FOXP1: variants seen among roughly 807,000 people sequenced by gnomAD.
The protein encoded by FOXP1 is forkhead box P1, also known as forkhead box protein P1.
Under a neutral mutation model 98.2 loss-of-function variants are expected in FOXP1, and 15 were observed. The ratio of observed to expected loss-of-function variants is 0.15; its 90% CI spans 0.10 to 0.24. The LOEUF (loss-of-function observed/expected upper bound fraction) is 0.24, where lower values mean the gene tolerates loss of function less well. Ranked by LOEUF, FOXP1 falls within the 10% of genes least tolerant of loss-of-function variation. FOXP1 has a pLI of 1.00. For synonymous variants in FOXP1, 371 were observed against 314.5 expected (o/e 1.18, Z -1.90); for missense variants, 633 against 848.5 (o/e 0.75, Z 3.15).
At chr3:71,298,324 G>A (rs1322436261) in intron 5 of FOXP1, among the ~76,000 whole-genome samples, 1 of 152,044 alleles carries the variant, frequency 6.6e-6, no homozygotes, top group Admixed American at 6.6e-5. Context: ...AATTAGCTGG[G>A]TATGATGGCG....
chr3:71,371,603 C>T (rs1428486422), intron 3 of FOXP1, among the ~76,000 whole-genome samples: 3 of 152,142 alleles, frequency 2.0e-5, no homozygotes, highest in Non-Finnish European at 4.4e-5. Flanking sequence ...CTGGGCAACA[C>T]GGCAAGATTC....
At chr3:71,503,712 G>A (rs2041596264) in intron 2 of FOXP1, among the ~76,000 whole-genome samples, 1 of 152,124 alleles carries the variant, frequency 6.6e-6, no homozygotes, top group African/African-American at 2.4e-5. Context: ...CTGTAGGGAG[G>A]GGAGAATGGC....
rs973335743 is a variant in FOXP1 at position 70,976,659 on chromosome 3, G to A, written c.1530+282C>T. ...AATATGGCAACCTCCACTTCTGGGC[G>A]ACGGTGTTGTCTCCTTTTCTCTACA... On this transcript the variant is annotated intron_variant, in intron 17 of 20. Coordinates refer to ENST00000649528, the MANE Select transcript of FOXP1 (RefSeq NM_001349338.3). Among the ~76,000 whole-genome samples, 7 of 152,150 alleles carry A rather than the reference G, an allele frequency of 4.6e-5. 1 individual carries two copies. The highest frequency in any genetic ancestry group is 1.9e-4 in the East Asian group (1 of 5,188).
chr3:71,436,052 C>G (rs1274887342), intron 3 of FOXP1, among the ~76,000 whole-genome samples: 1 of 151,662 alleles, frequency 6.6e-6, no homozygotes, highest in African/African-American at 2.4e-5. Flanking sequence ...TATATTAATA[C>G]CCTGTTATGT....
At chr3:71,583,931 C>T (rs1162743568), upstream of FOXP1, 2 of 984,448 alleles carry the variant, frequency 2.0e-6, no homozygotes, top group African/African-American at 1.8e-5. Context: ...CTCCAGCGGC[C>T]CCCCGAGCGG....
rs184844630 is a variant in FOXP1 at position 71,417,525 on chromosome 3, C to T, written c.-167-58281G>A. Among the ~76,000 whole-genome samples the T allele has an allele frequency of 2.0e-5, 3 of 150,752 alleles. No individual in the cohort carries two copies. The East Asian group carries it at 5.9e-4, about 30-fold the overall frequency. On this transcript the variant is annotated intron_variant, in intron 3 of 20. Coordinates refer to ENST00000649528, the MANE Select transcript of FOXP1 (RefSeq NM_001349338.3). The stretch of plus-strand genomic sequence containing the variant: ...GACCATCCACACAAGATTTTAATAT[C>T]AGAACTTATCTTTCTAAAAACCACA...
chr3:71,454,299 G>A (rs968193873), intron 3 of FOXP1, among the ~76,000 whole-genome samples: 1 of 152,086 alleles, frequency 6.6e-6, no homozygotes, highest in African/African-American at 2.4e-5. Context: ...TAGAATCACT[G>A]TGCCTCCACA....
chr3:71,113,058 A>G (rs907865943), intron 6 of FOXP1, among the ~76,000 whole-genome samples: 1 of 152,156 alleles, frequency 6.6e-6, no homozygotes, highest in Admixed American at 6.5e-5. Flanking sequence ...TAGCGACTCA[A>G]GTTGAAAGTA....
At chr3:71,444,067 C>T (rs1359972670) in intron 3 of FOXP1, among the ~76,000 whole-genome samples, 1 of 152,160 alleles carries the variant, frequency 6.6e-6, no homozygotes, top group African/African-American at 2.4e-5. Context: ...ACTGACTTTG[C>T]CTCAAAGTGA....
Position 71,173,329 on chromosome 3 carries a change from T to G in FOXP1, c.180+24873A>C, listed in dbSNP as rs757836246. 3.8e-4 allele frequency among the ~76,000 whole-genome samples: 58 copies of G among 151,492 alleles called. 2 individuals are homozygous for G. Among genetic ancestry groups the G allele is most frequent in the Admixed American group, 6.6e-5 (1 of 15,168 alleles). On this transcript the variant is annotated intron_variant, in intron 6 of 20. Transcript: ENST00000649528. The stretch of plus-strand genomic sequence containing the variant: ...TCACTACCCAATCAGCCTGACTCTA[T>G]TCACAAAATTTCTAGAATGGGAACT...
intron 6 of FOXP1, among the ~76,000 whole-genome samples, chr3:71,119,786 T>C (rs1054905645): frequency 1.3e-5 from 2 of 152,162 alleles, no homozygotes; most frequent in Non-Finnish European, 2.9e-5. Flanking sequence ...GAATTAAGGG[T>C]TGTGACTGAC....
chr3:71,064,207 T>C (rs539356982), intron 7 of FOXP1, among the ~76,000 whole-genome samples: 1 of 152,298 alleles, frequency 6.6e-6, no homozygotes, highest in Admixed American at 6.5e-5. Context: ...CCCCCTTTAC[T>C]GTGTGTGAAC....
intron 3 of FOXP1, among the ~76,000 whole-genome samples, chr3:71,449,609 T>C (rs1467254326): frequency 1.3e-5 from 2 of 152,200 alleles, no homozygotes; most frequent in Admixed American, 1.3e-4. Context: ...CAACAACCTT[T>C]TCTTGTCCTC....
intron 5 of FOXP1, among the ~76,000 whole-genome samples, chr3:71,210,015 A>T (rs2064333272): frequency 6.6e-6 from 1 of 152,260 alleles, no homozygotes; most frequent in Non-Finnish European, 1.5e-5. Context: ...TCTGCTGGAT[A>T]TCCAAAGCAA....
rs977904952 is a variant in FOXP1, at chr3:70,957,533, G to T, written c.*1714C>A. 8.2e-5 allele frequency: 19 copies of T among 231,028 alleles called. No homozygotes were observed. In the Admixed American group the frequency reaches 1.0e-3, roughly 12 times the overall value. The allele number at this position is 231,028 out of a possible 1,614,324, so 14.3% of individuals were successfully genotyped here. A position where few individuals can be genotyped will look rare whatever the true frequency, so the allele number is the denominator to read the frequency against. ...TATCTTTGGTAATTTTAGAAAAAAG[G>T]TACAAAGAAAGAATATAAATTAAGC... On this transcript the variant is annotated 3_prime_UTR_variant, in exon 21 of 21. Transcript: ENST00000649528.
chr3:71,057,415 G>A (rs1457307626), intron 7 of FOXP1, among the ~76,000 whole-genome samples: 1 of 135,802 alleles, frequency 7.4e-6, no homozygotes, highest in East Asian at 2.2e-4. Context: ...TGCCTTAACT[G>A]GGAGTTCAAG....
intron 6 of FOXP1, among the ~76,000 whole-genome samples, chr3:71,149,053 A>C (rs1404819959): frequency 6.6e-6 from 1 of 152,212 alleles, no homozygotes; most frequent in East Asian, 1.9e-4. Flanking sequence ...GTTAGTCAAT[A>C]ATAGTTCTTC....
chr3:71,289,098 G>A (rs956299614), intron 5 of FOXP1, among the ~76,000 whole-genome samples: 5 of 150,984 alleles, frequency 3.3e-5, no homozygotes, highest in African/African-American at 1.2e-4. Flanking sequence ...GCAGTGGTGC[G>A]ATCTTGGTTC....
intron 6 of FOXP1, among the ~76,000 whole-genome samples, chr3:71,159,509 T>C (rs1156607654): frequency 2.6e-5 from 4 of 152,074 alleles, no homozygotes; most frequent in African/African-American, 7.2e-5. Flanking sequence ...GATTCAAGAG[T>C]AAGTTCCTTG....
Sources: gnomAD v4.1 joint callset for allele counts (sites outside exome capture counted in the v4.1 genomes callset) on GRCh38, gnomAD v4.1.1 for gene constraint, MANE v1.5 for transcripts, NCBI Gene and HGNC (gene_info 2026-07-23, HGNC 2026-07-21) for gene names.